The following CIROZ variants were observed in gnomAD, a reference collection of about 807,000 sequenced individuals.
CIROZ encodes ciliated left-right organizer protein containing ZP-N domains.
At chr1:10,969,956 C>T in the CIROZ span, 5 of 1,522,170 alleles carry the variant, frequency 3.3e-6, no homozygotes, top group Admixed American at 4.3e-5. Flanking sequence ...GCCCAGCCAC[C>T]GACCACCTCT....
At chr1:10,980,461 G>A in the CIROZ span, among the ~76,000 whole-genome samples, 3 of 152,260 alleles carry the variant, frequency 2.0e-5, no homozygotes, top group African/African-American at 7.2e-5. Flanking sequence ...CAGCGGGGAG[G>A]CGCTATTATT....
chr1:10,975,134 G>A, the CIROZ span, among the ~76,000 whole-genome samples: 7,676 of 152,130 alleles, frequency 0.05, 662 homozygotes, highest in African/African-American at 0.17. Context: ...TGGGCCGGGC[G>A]CGGTGGCTCA....
the CIROZ span, among the ~76,000 whole-genome samples, chr1:10,959,057 G>A: frequency 3.3e-5 from 5 of 152,302 alleles, no homozygotes; most frequent in African/African-American, 4.8e-5. The surrounding 1 kb of genome is among the most constrained non-coding windows in gnomAD (Gnocchi z 4.3). Flanking sequence ...CCCTGCTCAC[G>A]GCCCACTTCC....
chr1:10,954,384 G>A, the CIROZ span, among the ~76,000 whole-genome samples: 141 of 151,734 alleles, frequency 9.3e-4, no homozygotes, highest in East Asian at 0.021. Flanking sequence ...AACCCAGGAG[G>A]AGGAGGTTTC....
At chr1:10,957,231 C>T in the CIROZ span, 1 of 738,464 alleles carries the variant, frequency 1.4e-6, no homozygotes, top group South Asian at 2.0e-5. Flanking sequence ...CCAAGTGTTA[C>T]AAAGCCCAGG....
chr1:10,962,629 C>T, the CIROZ span, among the ~76,000 whole-genome samples: 2 of 152,158 alleles, frequency 1.3e-5, no homozygotes, highest in Admixed American at 1.3e-4. Context: ...ATCCCCAGCC[C>T]CCACCATGTG....
At chr1:10,947,428 T>C in the CIROZ span, among the ~76,000 whole-genome samples, 1 of 152,246 alleles carries the variant, frequency 6.6e-6, no homozygotes, top group Non-Finnish European at 1.5e-5. Context: ...GCTGGTACCC[T>C]GCTGGCTTGG....
At chr1:10,957,608 C>T in the CIROZ span, 1 of 1,613,758 alleles carries the variant, frequency 6.2e-7, no homozygotes, top group African/African-American at 1.3e-5. Context: ...CTGCTGCCCA[C>T]CACTGACCTC....
the CIROZ span, chr1:10,957,449 A>C: frequency 2.1e-6 from 2 of 947,436 alleles, no homozygotes; most frequent in Non-Finnish European, 3.1e-6. Context: ...TGCAGAGCGG[A>C]GCGCTTTACG....
At chr1:10,961,462 A>G in the CIROZ span, among the ~76,000 whole-genome samples, 2 of 152,126 alleles carry the variant, frequency 1.3e-5, no homozygotes, top group South Asian at 2.1e-4. Flanking sequence ...CCGGGCTCAG[A>G]GCGGAGATGA....
chr1:10,948,184 C>T, the CIROZ span: 49 of 1,613,830 alleles, frequency 3.0e-5, no homozygotes, highest in Non-Finnish European at 4.1e-5. Context: ...CCCTCTATGT[C>T]CTGGCTTGGT....
At chr1:10,949,790 G>T in the CIROZ span, 1 of 1,569,472 alleles carries the variant, frequency 6.4e-7, no homozygotes, top group Non-Finnish European at 8.6e-7. Flanking sequence ...TGCAGCAGTT[G>T]AGGCAGGCGA....
chr1:10,975,407 GAA>G, the CIROZ span, among the ~76,000 whole-genome samples: 11,683 of 77,694 alleles, frequency 0.15, 376 homozygotes, highest in Non-Finnish European at 0.21. Flanking sequence ...CTCTGTCTCA[GAA>G]AAAAAAAAAA....
the CIROZ span, among the ~76,000 whole-genome samples, chr1:10,952,994 G>A: frequency 7.9e-5 from 12 of 152,172 alleles, no homozygotes; most frequent in Admixed American, 3.9e-4. Context: ...CATCACTGCA[G>A]GAAACTGTTA....
the CIROZ span, among the ~76,000 whole-genome samples, chr1:10,969,465 G>A: frequency 6.6e-6 from 1 of 152,134 alleles, no homozygotes; most frequent in African/African-American, 2.4e-5. Context: ...GCATGTGATG[G>A]CCTCCCATTT....
the CIROZ span, chr1:10,954,226 C>T: frequency 2.8e-6 from 4 of 1,437,534 alleles, no homozygotes; most frequent in African/African-American, 4.3e-5. Context: ...GAGGCTGAGG[C>T]AGGCGGATCA....
At chr1:10,951,745 A>AATATATATATATATATATATATAT in the CIROZ span, among the ~76,000 whole-genome samples, 5 of 119,166 alleles carry the variant, frequency 4.2e-5, no homozygotes, top group African/African-American at 1.8e-4. Context: ...AAAAAAAAAA[A>AATATATATATATATATATATATAT]ATATATATAT....
At chr1:10,948,260 T>C in the CIROZ span, 90 of 1,613,928 alleles carry the variant, frequency 5.6e-5, no homozygotes, top group African/African-American at 9.9e-4. Context: ...CTGTCTGGCG[T>C]GGCCTCTCCA....
At chr1:10,982,025 G>C in the CIROZ span, 2 of 1,537,204 alleles carry the variant, frequency 1.3e-6, no homozygotes, top group South Asian at 2.4e-5. Context: ...GCAAGTGCTG[G>C]GGACCCCCAC....
Sources: gnomAD v4.1 joint callset for allele counts (sites outside exome capture counted in the v4.1 genomes callset) on GRCh38, gnomAD v4.1.1 for gene constraint, Gnocchi (gnomAD v3.1) non-coding constraint, MANE v1.5 for transcripts, NCBI Gene and HGNC (gene_info 2026-07-23, HGNC 2026-07-21) for gene names.